Variants in MITD1 observed in about 807,000 individuals in gnomAD.
The protein encoded by MITD1 is microtubule interacting and trafficking domain containing 1, also known as MIT domain-containing protein 1.
In MITD1, 24 loss-of-function variants were observed where a neutral mutation model predicts 34.9. The observed-to-expected ratio is 0.69, with a 90% CI of 0.50 to 0.97. MITD1 has a LOEUF of 0.97. MITD1 is among the 50% of genes least tolerant of loss of function. The probability of loss-of-function intolerance (pLI) is 0.00; values close to 1 mark genes in which losing one functional copy is unlikely to be tolerated. For missense variants in MITD1, 266 were observed against 294.6 expected (o/e 0.90, Z 0.71); for synonymous variants, 102 against 101.4 (o/e 1.01, Z -0.04).
At chr2:99,167,788 A>T (rs566052364), downstream of MITD1, among the ~76,000 whole-genome samples, 1 of 152,294 alleles carries the variant, frequency 6.6e-6, no homozygotes, top group Admixed American at 6.5e-5. Flanking sequence ...CATATGATAC[A>T]GCTTAGTAAA....
At chr2:99,162,677 A>G (rs2105201647) in intron 7 of MITD1, 1 of 1,614,166 alleles carries the variant, frequency 6.2e-7, no homozygotes, top group Non-Finnish European at 8.5e-7. Flanking sequence ...CTTATCATCA[A>G]ATTGATAATC....
At chr2:99,175,267 G>A (rs933475677) in intron 1 of MITD1, among the ~76,000 whole-genome samples, 5 of 152,112 alleles carry the variant, frequency 3.3e-5, no homozygotes, top group African/African-American at 1.2e-4. Context: ...TTTGCTTTCT[G>A]GTCCAGGATC....
At chr2:99,162,291 A>C in intron 7 of MITD1, 1 of 1,610,716 alleles carries the variant, frequency 6.2e-7, no homozygotes, top group South Asian at 1.1e-5. Flanking sequence ...TGATATGGGT[A>C]ATATCAATTT....
rs1189302900 is a variant in MITD1 at position 99,173,963 on chromosome 2, T to C, written c.205A>G (p.Met69Val). The change falls in exon 2 of 7, where the codon ATG becomes GTG. Residue 69 changes from methionine to valine, a missense_variant. Physicochemically the swap from Met to Val is conservative, Grantham distance 21. Coordinates refer to ENST00000289359, the MANE Select transcript of MITD1 (RefSeq NM_138798.3). ...TTCTTTATGTTTTCCGCTCTGTCCA[T>C]GTATTTGGAAATTTTTTCTCTGAGA... Reference protein sequence around the residue: ...CNLREKISKYMDRAENIKKYL... With the variant: ...CNLREKISKYVDRAENIKKYL... 2.0e-5 allele frequency: 32 copies of C among 1,608,950 alleles called. No homozygotes were observed. The highest frequency in any genetic ancestry group is 2.6e-5 in the Non-Finnish European group (30 of 1,176,380).
intron 5 of MITD1, among the ~76,000 whole-genome samples, chr2:99,170,166 AC>A (rs760155539): frequency 9.2e-5 from 14 of 152,180 alleles, no homozygotes; most frequent in Non-Finnish European, 1.9e-4. Context: ...ATATTTAATA[AC>A]CCCTAAGAAG....
In MITD1 at chr2:99,181,026, C is replaced by A. The variant is rs758150646; in HGVS notation, c.-45G>T. 2.5e-6 allele frequency: 4 copies of A among 1,589,254 alleles called. No homozygotes were observed. The highest frequency in any genetic ancestry group is 3.4e-6 in the Non-Finnish European group (4 of 1,166,924). On this transcript the variant is annotated 5_prime_UTR_variant, in exon 1 of 7. Coordinates refer to ENST00000289359, the MANE Select transcript of MITD1 (RefSeq NM_138798.3). ...CGCCTCAACCCAGGATGAAGTTGAG[C>A]GGGTCTGCTGCGCTTCCGGGAAGTG...
At chr2:99,168,946 A>ATTTTT (rs1175310553), downstream of MITD1, among the ~76,000 whole-genome samples, 33 of 49,330 alleles carry the variant, frequency 6.7e-4, 2 homozygotes, top group Admixed American at 1.3e-3. Context: ...TGCCCGGCTA[A>ATTTTT]TTTTTTTTTT....
rs1451070072 is a variant in MITD1 at position 99,170,646 on chromosome 2, C to T, written c.484G>A (p.Glu162Lys). ...HLLTSLDEGI[E>K]QVQQSRGLQE... ...AGGCCTCTACTTTGCTGCACTTGCT[C>T]AATGCCCTGTTAATAGCAAAAATAC... Residue 162 changes from glutamate to lysine, a missense_variant, in exon 5 of 7, where the codon GAG (glutamate) becomes AAG (lysine). Physicochemically the swap from Glu to Lys is moderately conservative, Grantham distance 56. Transcript: ENST00000289359. 5.2e-6 allele frequency: 8 copies of T among 1,552,456 alleles called. No individual in the cohort carries two copies. In the African/African-American group the frequency reaches 1.1e-4, roughly 21 times the overall value.
intron 1 of MITD1, among the ~76,000 whole-genome samples, chr2:99,179,988 A>C (rs1317395314): frequency 6.6e-6 from 1 of 152,196 alleles, no homozygotes; most frequent in Non-Finnish European, 1.5e-5. Flanking sequence ...AGCTTAGTCC[A>C]GACCGGGAGT....
rs531252869 is a variant in MITD1, at chr2:99,177,130, A to G, written c.152-3114T>C. 1.3e-3 allele frequency among the ~76,000 whole-genome samples: 199 copies of G among 152,304 alleles called. 6 individuals carry two copies. The South Asian group carries it at 0.016, about 12-fold the overall frequency. ...CTTTCCCCCATCCCTCTCCTGCCCA[A>G]ATAAAAGCAAAACACAACCTTTCCT... On this transcript the variant is annotated intron_variant, in intron 1 of 6. Coordinates refer to ENST00000289359, the MANE Select transcript of MITD1 (RefSeq NM_138798.3).
downstream of MITD1, among the ~76,000 whole-genome samples, chr2:99,165,150 T>A (rs2093822529): frequency 6.6e-6 from 1 of 151,940 alleles, no homozygotes; most frequent in African/African-American, 2.4e-5. Flanking sequence ...TCACTGCAAC[T>A]GCTGCCTAGT....
At position 99,170,550 on chromosome 2, in the gene MITD1, C is replaced by T; in HGVS notation, c.580G>A (p.Asp194Asn). ...LEVQYSSSIH[D>N]REIRFNNGWM... ...TTGTAGACTAACCTAATTTCTCGGT[C>T]ATGTATTGAAGAAGAGTATTGAACT... Residue 194 changes from aspartate (D) to asparagine (N), a missense_variant, in exon 5 of 7, where the codon GAC becomes AAC. By Grantham distance (23) the Asp-to-Asn change is conservative. Coordinates refer to ENST00000289359, the MANE Select transcript of MITD1 (RefSeq NM_138798.3). The T allele has an allele frequency of 1.3e-6, 2 of 1,524,430 alleles. No individual in the cohort carries two copies. Among genetic ancestry groups the T allele is most frequent in the South Asian group, 1.2e-5 (1 of 85,238 alleles). 94.4% of individuals were successfully genotyped at this position (1,524,430 alleles called of 1,614,324 possible).
At chr2:99,180,105 T>C (rs1187807850) in intron 1 of MITD1, among the ~76,000 whole-genome samples, 1 of 152,124 alleles carries the variant, frequency 6.6e-6, no homozygotes, top group East Asian at 1.9e-4. Context: ...TTTGGGTATT[T>C]CTCAACATTG....
rs781676245 is a variant in MITD1 at position 99,181,002 on chromosome 2, G to T, written c.-21C>A. 1 of 1,608,940 alleles carries T rather than the reference G, an allele frequency of 6.2e-7. No homozygotes were observed. The highest frequency in any genetic ancestry group is 8.5e-7 in the Non-Finnish European group (1 of 1,177,288). Reference sequence around the variant, plus strand: ...GCCATAATTCTGGAAGTTCTCCTCCGCCTCAACCCAGGATGAAGTTGAGCG... The same window carrying T: ...GCCATAATTCTGGAAGTTCTCCTCCTCCTCAACCCAGGATGAAGTTGAGCG... On this transcript the variant is annotated 5_prime_UTR_variant, in exon 1 of 7. Coordinates refer to ENST00000289359, the MANE Select transcript of MITD1 (RefSeq NM_138798.3).
intron 2 of MITD1, chr2:99,172,819 G>A (rs1236120392): frequency 6.6e-6 from 1 of 151,526 alleles, no homozygotes; most frequent in Non-Finnish European, 1.5e-5. Flanking sequence ...GCAGGCAGAG[G>A]TTGCAGTAAG....
At chr2:99,177,636 A>G (rs558252950) in intron 1 of MITD1, among the ~76,000 whole-genome samples, 2 of 152,108 alleles carry the variant, frequency 1.3e-5, no homozygotes, top group African/African-American at 4.8e-5. Context: ...CCTATTGTGT[A>G]ATAAGACACC....
chr2:99,172,898 A>AG (rs1273513307), intron 2 of MITD1: 4 of 151,518 alleles, frequency 2.6e-5, no homozygotes, highest in Non-Finnish European at 4.4e-5. Context: ...AAAAAAAAAA[A>AG]CCCTAATGGT....
intron 5 of MITD1, among the ~76,000 whole-genome samples, chr2:99,170,334 C>T (rs1025855810): frequency 6.6e-6 from 1 of 151,996 alleles, no homozygotes; most frequent in African/African-American, 2.4e-5. Flanking sequence ...TAAACTCACA[C>T]ACAAAACACT....
chr2:99,161,940 T>C, downstream of MITD1: 2 of 1,553,686 alleles, frequency 1.3e-6, no homozygotes, highest in Non-Finnish European at 1.7e-6. Context: ...AATTTGTTTG[T>C]CTTCCATTTT....
Sources: gnomAD v4.1 joint callset for allele counts (sites outside exome capture counted in the v4.1 genomes callset) on GRCh38, gnomAD v4.1.1 for gene constraint, MANE v1.5 for transcripts, NCBI Gene and HGNC (gene_info 2026-07-23, HGNC 2026-07-21) for gene names.